NREP: variants seen among roughly 807,000 people sequenced by gnomAD.
The protein encoded by NREP is neuronal regeneration related protein.
Under a neutral mutation model 8.6 loss-of-function variants are expected in NREP, and 5 were observed. The ratio of observed to expected loss-of-function variants is 0.58; its 90% CI spans 0.30 to 1.22. NREP has a LOEUF of 1.22. Ranked by LOEUF, NREP falls within the 50% of genes most tolerant of loss-of-function variation. NREP has a pLI of 0.07. For missense variants in NREP, 86 were observed against 82.5 expected (o/e 1.04, Z -0.17); for synonymous variants, 27 against 28.0 (o/e 0.96, Z 0.11).
chr5:111,775,688 C>A (rs1440462411), intron 2 of NREP, among the ~76,000 whole-genome samples: 2 of 152,014 alleles, frequency 1.3e-5, no homozygotes, highest in South Asian at 2.1e-4. Context: ...TAGACGAGGG[C>A]TTTGTAAAAT....
intron 2 of NREP, among the ~76,000 whole-genome samples, chr5:111,909,659 C>T (rs60095412): frequency 0.067 from 10,236 of 151,966 alleles, 812 homozygotes; most frequent in East Asian, 0.23. Flanking sequence ...GCAGCAGGAA[C>T]GATTTTTATG....
chr5:111,879,799 G>A (rs1355645554), intron 2 of NREP, among the ~76,000 whole-genome samples: 1 of 152,060 alleles, frequency 6.6e-6, no homozygotes, highest in Non-Finnish European at 1.5e-5. Flanking sequence ...ACTTCTTTTT[G>A]TAGTCCCATA....
At chr5:111,916,970 T>C (rs1286267369) in intron 2 of NREP, among the ~76,000 whole-genome samples, 6 of 152,046 alleles carry the variant, frequency 3.9e-5, no homozygotes, top group Admixed American at 3.3e-4. Flanking sequence ...GAAAGGAAAG[T>C]TTCTGCCCGC....
intron 2 of NREP, among the ~76,000 whole-genome samples, chr5:111,970,825 C>CA (rs33962098): frequency 0.087 from 4,616 of 53,266 alleles, 378 homozygotes; most frequent in African/African-American, 0.2. Flanking sequence ...GACTCCATCT[C>CA]AAAAAAAAAA....
intron 2 of NREP, among the ~76,000 whole-genome samples, chr5:111,831,889 C>T (rs1052773816): frequency 6.6e-6 from 1 of 152,150 alleles, no homozygotes; most frequent in African/African-American, 2.4e-5. Flanking sequence ...CTATCTGGCC[C>T]TCTTGTGGGG....
chr5:111,916,209 G>A (rs1755053095), intron 2 of NREP, among the ~76,000 whole-genome samples: 1 of 151,980 alleles, frequency 6.6e-6, no homozygotes, highest in African/African-American at 2.4e-5. Context: ...AGATATAGTA[G>A]ATGTTGATGA....
intron 2 of NREP, among the ~76,000 whole-genome samples, chr5:111,808,073 C>A (rs1752183768): frequency 6.6e-6 from 1 of 152,208 alleles, no homozygotes; most frequent in Non-Finnish European, 1.5e-5. Flanking sequence ...TGCGTCTGGT[C>A]ACATACACAT....
At chr5:111,744,500 C>T (rs1351962008) in intron 2 of NREP, among the ~76,000 whole-genome samples, 1 of 152,020 alleles carries the variant, frequency 6.6e-6, no homozygotes, top group Non-Finnish European at 1.5e-5. Context: ...AAAGAAGCCA[C>T]TAAGAGGCTT....
rs555372333 is a variant in NREP, at chr5:111,818,372, A to G, written c.136-82865T>C. 7.2e-4 allele frequency among the ~76,000 whole-genome samples: 109 copies of G among 152,348 alleles called. 1 individual carries two copies. Among genetic ancestry groups the G allele is most frequent in the African/African-American group, 2.4e-3 (101 of 41,588 alleles). On this transcript the variant is annotated intron_variant, in intron 2 of 3. Coordinates refer to the NREP transcript ENST00000395634. ...TACATTCTTCAGAAAAATGGCAGTG[A>G]CGTGGTGTTATAGAGATATGGGTAA...
intron 2 of NREP, among the ~76,000 whole-genome samples, chr5:111,898,924 G>T (rs571774400): frequency 3.9e-5 from 6 of 152,046 alleles, no homozygotes; most frequent in African/African-American, 1.4e-4. Context: ...GGCTGGGAGA[G>T]AATAAGGTGA....
At chr5:111,976,762 G>A in exon 1 of NREP, 1 of 1,549,778 alleles carries the variant, frequency 6.5e-7, no homozygotes, top group Non-Finnish European at 8.7e-7. Context: ...ACTGCTTGAG[G>A]ATAAAGTTCA....
chr5:111,899,600 T>C (rs1167995363), intron 2 of NREP, among the ~76,000 whole-genome samples: 1 of 152,156 alleles, frequency 6.6e-6, no homozygotes, highest in African/African-American at 2.4e-5. Context: ...CATCTGTCAA[T>C]AACAACATAT....
At chr5:111,864,014 AAGATTCAAG>A (rs1386480424) in intron 2 of NREP, among the ~76,000 whole-genome samples, 1 of 152,172 alleles carries the variant, frequency 6.6e-6, no homozygotes, top group African/African-American at 2.4e-5. Flanking sequence ...AGAGCTCACA[AAGATTCAAG>A]AGAATGAGTC....
upstream of NREP, among the ~76,000 whole-genome samples, chr5:111,761,321 T>A (rs1750955478): frequency 6.6e-6 from 1 of 152,220 alleles, no homozygotes; most frequent in African/African-American, 2.4e-5. Context: ...AGGGCACTTT[T>A]GCAGTGAGTT....
At chr5:111,815,556 T>G (rs1012394813) in intron 2 of NREP, among the ~76,000 whole-genome samples, 1 of 151,864 alleles carries the variant, frequency 6.6e-6, no homozygotes, top group Non-Finnish European at 1.5e-5. Flanking sequence ...TTTTCACCAG[T>G]GAGAGTATCT....
chr5:111,763,507 C>G (rs938837133), intron 2 of NREP, among the ~76,000 whole-genome samples: 1 of 152,152 alleles, frequency 6.6e-6, no homozygotes. Context: ...GTTTGTCCTC[C>G]TGGAGGTGAA....
intron 2 of NREP, among the ~76,000 whole-genome samples, chr5:111,942,641 T>TA (rs1204158114): frequency 1.3e-4 from 19 of 151,504 alleles, no homozygotes; most frequent in Non-Finnish European, 2.1e-4. Context: ...AGCACTAGTT[T>TA]TAAAAAAAAA....
At chr5:111,758,233 GCACA>G (rs1303594095), upstream of NREP, 3 of 985,434 alleles carry the variant, frequency 3.0e-6, no homozygotes, top group Non-Finnish European at 3.6e-6. Flanking sequence ...ACACACACGT[GCACA>G]CAGTCACACG....
At chr5:111,915,437 G>C (rs889172873) in intron 2 of NREP, among the ~76,000 whole-genome samples, 2 of 151,882 alleles carry the variant, frequency 1.3e-5, no homozygotes, top group African/African-American at 4.8e-5. Flanking sequence ...AAAAAGGCTG[G>C]AGTCATTTTG....
Sources: gnomAD v4.1 joint callset for allele counts (sites outside exome capture counted in the v4.1 genomes callset) on GRCh38, gnomAD v4.1.1 for gene constraint, MANE v1.5 for transcripts, NCBI Gene and HGNC (gene_info 2026-07-23, HGNC 2026-07-21) for gene names.